Variants in IQCK observed in about 807,000 individuals in gnomAD.
IQCK encodes the protein IQ domain-containing protein K.
A neutral mutation model predicts 28.1 loss-of-function variants in IQCK; 29 were observed. The observed-to-expected ratio is 1.03, with a 90% CI of 0.77 to 1.41. IQCK has a LOEUF of 1.41. Among genes scored for constraint, IQCK ranks in the 40% most tolerant of loss-of-function variants. The probability of loss-of-function intolerance (pLI) is 0.00; values close to 1 mark genes in which losing one functional copy is unlikely to be tolerated. For synonymous variants in IQCK, 113 were observed against 115.1 expected (o/e 0.98, Z 0.12); for missense variants, 359 against 314.7 (o/e 1.14, Z -1.07).
intron 6 of IQCK, among the ~76,000 whole-genome samples, chr16:19,769,798 G>A (rs1223769201): frequency 1.3e-5 from 2 of 152,150 alleles, no homozygotes; most frequent in African/African-American, 4.8e-5. Context: ...CTGGAGTTGG[G>A]GCTACTAGTT....
At chr16:19,763,820 G>A (rs753841738) in intron 4 of IQCK, 28 bp from the exon 5 acceptor site, 2 of 1,567,486 alleles carry the variant, frequency 1.3e-6, no homozygotes, top group Non-Finnish European at 1.8e-6. Flanking sequence ...AGGGTCAGTT[G>A]TAATTTAATT....
At chr16:19,743,005 C>A (rs1306252610) in intron 4 of IQCK, among the ~76,000 whole-genome samples, 1 of 152,100 alleles carries the variant, frequency 6.6e-6, no homozygotes, top group Non-Finnish European at 1.5e-5. Flanking sequence ...CCTGTCTCTA[C>A]TAAGAATACA....
At chr16:19,841,693 C>G (rs2056363735) in intron 9 of IQCK, among the ~76,000 whole-genome samples, 1 of 152,166 alleles carries the variant, frequency 6.6e-6, no homozygotes, top group Non-Finnish European at 1.5e-5. Flanking sequence ...CTTAACTCTT[C>G]TAGCTTTCGG....
At chr16:19,831,350 G>A (rs1281003281), downstream of IQCK, among the ~76,000 whole-genome samples, 1 of 152,190 alleles carries the variant, frequency 6.6e-6, no homozygotes, top group East Asian at 1.9e-4. Flanking sequence ...GCTGAATTAC[G>A]AGAAGCAGAG....
intron 7 of IQCK, among the ~76,000 whole-genome samples, chr16:19,818,896 G>A (rs2056025983): frequency 6.6e-6 from 1 of 152,120 alleles, no homozygotes; most frequent in Admixed American, 6.6e-5. Context: ...TCTTGAGTTT[G>A]ACAAGACCGT....
intron 7 of IQCK, among the ~76,000 whole-genome samples, chr16:19,811,851 T>A (rs1201240774): frequency 1.3e-5 from 2 of 152,228 alleles, no homozygotes; most frequent in Admixed American, 1.3e-4. Flanking sequence ...GGTTTCTTCC[T>A]GAACATGCTG....
chr16:19,831,660 A>T (rs1346767028), downstream of IQCK, among the ~76,000 whole-genome samples: 5 of 140,674 alleles, frequency 3.6e-5, no homozygotes, highest in Non-Finnish European at 4.6e-5. Context: ...CAACTTCATT[A>T]AAAAAAAAAA....
intron 1 of IQCK, among the ~76,000 whole-genome samples, chr16:19,726,193 C>T (rs1050771458): frequency 6.8e-5 from 10 of 147,274 alleles, no homozygotes; most frequent in African/African-American, 2.4e-4. Flanking sequence ...GGATTACATG[C>T]GTGAGCCACC....
chr16:19,856,659 T>G (rs1487379735), exon 10 of IQCK: 2 of 833,890 alleles, frequency 2.4e-6, no homozygotes, highest in East Asian at 5.2e-5. Context: ...TTGGAACATG[T>G]GCAAATGGAA....
intron 1 of IQCK, among the ~76,000 whole-genome samples, chr16:19,719,454 G>A (rs765417133): frequency 3.3e-5 from 5 of 151,662 alleles, no homozygotes; most frequent in Admixed American, 3.3e-4. Context: ...ATCTGGGCGT[G>A]GTGGTGTGCG....
At chr16:19,753,329 G>A (rs1260347060) in intron 4 of IQCK, among the ~76,000 whole-genome samples, 5 of 152,092 alleles carry the variant, frequency 3.3e-5, no homozygotes, top group Non-Finnish European at 7.4e-5. Context: ...AGGAAGCTGA[G>A]GCAGGAAGAT....
At chr16:19,851,832 ACTT>A (rs897152287) in intron 9 of IQCK, among the ~76,000 whole-genome samples, 1 of 152,120 alleles carries the variant, frequency 6.6e-6, no homozygotes, top group Non-Finnish European at 1.5e-5. Context: ...ATCCTGGCTT[ACTT>A]CTTCTCTCCT....
intron 4 of IQCK, among the ~76,000 whole-genome samples, chr16:19,756,913 AAG>A: frequency 6.6e-6 from 1 of 151,104 alleles, no homozygotes; most frequent in African/African-American, 2.4e-5. Flanking sequence ...AAAAAAAAAA[AAG>A]AAAGAGGCTC....
chr16:19,734,322 C>T (rs1346934270), intron 3 of IQCK, among the ~76,000 whole-genome samples: 2 of 151,890 alleles, frequency 1.3e-5, no homozygotes, highest in South Asian at 2.1e-4. Flanking sequence ...CATGGTGAAA[C>T]CCTGTCTCTA....
chr16:19,811,076 G>A (rs1238895311), intron 7 of IQCK, among the ~76,000 whole-genome samples: 1 of 152,174 alleles, frequency 6.6e-6, no homozygotes, highest in Non-Finnish European at 1.5e-5. Flanking sequence ...TTGAGTTCAG[G>A]AGCTTGAGAC....
At chr16:19,753,382 T>C (rs1286687780) in intron 4 of IQCK, among the ~76,000 whole-genome samples, 1 of 152,094 alleles carries the variant, frequency 6.6e-6, no homozygotes, top group Non-Finnish European at 1.5e-5. Flanking sequence ...ACTATGATCA[T>C]GCCATTACAC....
intron 6 of IQCK, among the ~76,000 whole-genome samples, chr16:19,768,750 A>G (rs1229198442): frequency 6.6e-6 from 1 of 152,190 alleles, no homozygotes; most frequent in Non-Finnish European, 1.5e-5. Flanking sequence ...CATCTCAAAA[A>G]AACAAAAAAC....
intron 6 of IQCK, among the ~76,000 whole-genome samples, chr16:19,773,378 A>G (rs762187268): frequency 3.3e-5 from 5 of 152,110 alleles, no homozygotes; most frequent in African/African-American, 7.2e-5. Context: ...GATAACGCCA[A>G]CCCTCCCACC....
chr16:19,730,891 G>A (rs2151680420), intron 2 of IQCK, among the ~76,000 whole-genome samples: 1 of 152,154 alleles, frequency 6.6e-6, no homozygotes, highest in South Asian at 2.1e-4. Flanking sequence ...CCGCCACCGT[G>A]CTTGGGATTT....
Sources: allele counts gnomAD v4.1 joint callset (sites outside exome capture counted in the v4.1 genomes callset), GRCh38; gene constraint gnomAD v4.1.1; transcripts MANE v1.5; gene names NCBI Gene and HGNC (gene_info 2026-07-23, HGNC 2026-07-21).